The following DNAH2 variants were observed in gnomAD, a reference collection of about 807,000 sequenced individuals.
DNAH2 encodes axonemal beta dynein heavy chain 2.
A neutral mutation model predicts 523.5 loss-of-function variants in DNAH2; 323 were observed. That is an observed-to-expected ratio of 0.62 (90% CI 0.56 to 0.68). The LOEUF (loss-of-function observed/expected upper bound fraction) is 0.68. DNAH2 is among the 30% of genes least tolerant of loss of function. The pLI is 0.00. For missense variants in DNAH2, 4,907 were observed against 5,701.5 expected, an observed-to-expected ratio of 0.86 and a Z score of 4.49; for synonymous variants, 2,093 against 2,177.4, an observed-to-expected ratio of 0.96 and a Z score of 1.08.
chr17:7,802,152 T>C (rs1477115213), intron 58 of DNAH2, 135 bp downstream of exon 58: 13 of 1,255,264 alleles, frequency 1.0e-5, no homozygotes, highest in African/African-American at 1.5e-5. Context: ...GAAGAGGGAG[T>C]TGGGGCTTCC....
chr17:7,826,081 G>A (rs964034859), intron 77 of DNAH2, among the ~76,000 whole-genome samples: 4 of 152,312 alleles, frequency 2.6e-5, no homozygotes, highest in African/African-American at 9.6e-5. Context: ...CTGAGATTGC[G>A]CTGTTACACT....
rs535430856 is a variant in DNAH2 at position 7,776,098 on chromosome 17, C to T, written c.4896C>T (p.Leu1632=). The T allele has an allele frequency of 1.2e-6, 2 of 1,614,108 alleles. No individual in the cohort carries two copies. Among genetic ancestry groups the T allele is most frequent in the African/African-American group, 2.7e-5 (2 of 75,032 alleles). Residue 1632 remains leucine (L), a synonymous_variant, in exon 31 of 86, where the codon CTC becomes CTT. Coordinates refer to ENST00000572933, the MANE Select transcript of DNAH2 (RefSeq NM_020877.5). Reference sequence around the variant, plus strand: ...TTCTCCGGAACTGCCACCTGGCCCTCAGGAAGTTCCTCAACAAGAGGGACA... The same window carrying T: ...TTCTCCGGAACTGCCACCTGGCCCTTAGGAAGTTCCTCAACAAGAGGGACA... ...RDLLRNCHLA[L]RKFLNKRDKW...
In DNAH2 at chr17:7,817,636, G is replaced by A; in HGVS notation, c.10096G>A (p.Asp3366Asn). 1 of 1,614,130 alleles carries A rather than the reference G, an allele frequency of 6.2e-7. No individual in the cohort carries two copies. The highest frequency in any genetic ancestry group is 1.6e-4 in the Middle Eastern group (1 of 6,062). The change falls in exon 66 of 86, where the codon GAC becomes AAC. Residue 3366 changes from aspartate (D) to asparagine (N), a missense_variant. Asp to Asn is a conservative substitution (Grantham distance 23). Around this residue, in one of 3 missense-constraint regions of DNAH2, gnomAD observed 1,851 missense variants for 2,139.4 expected, o/e 0.87. Coordinates refer to ENST00000572933, the MANE Select transcript of DNAH2 (RefSeq NM_020877.5). ...CCTGTGCAATCCTACCAAAGTCCGG[G>A]ACTGGAACATCCAAGGGTTGCCCTC... ...NFLCNPTKVR[D>N]WNIQGLPSDA...
At chr17:7,745,807 A>T (rs892915339) in intron 12 of DNAH2, among the ~76,000 whole-genome samples, 1 of 151,994 alleles carries the variant, frequency 6.6e-6, no homozygotes, top group Non-Finnish European at 1.5e-5. Flanking sequence ...AAAAAAAAAA[A>T]AAAGAAAAGA....
Position 7,760,846 on chromosome 17 carries a change from G to T in DNAH2, c.2892G>T (p.Glu964Asp). Reference sequence around the variant, plus strand: ...TCAAGACCTGGGACATGTACCGGGAGATCTGGGAGATCAACAAGGACTCCT... The same window carrying T: ...TCAAGACCTGGGACATGTACCGGGATATCTGGGAGATCAACAAGGACTCCT... Reference protein sequence around the residue: ...NYLKTWDMYREIWEINKDSFI... With the variant: ...NYLKTWDMYRDIWEINKDSFI... The change falls in exon 18 of 86, where the codon GAG (glutamate) becomes GAT (aspartate). Residue 964 changes from glutamate (E) to aspartate (D), a missense_variant. Transcript: ENST00000572933. The surrounding 1 kb of genome is among the most constrained non-coding windows in gnomAD (Gnocchi z 4.0). The T allele has an allele frequency of 6.2e-7, 1 of 1,614,244 alleles. No individual in the cohort carries two copies. Among genetic ancestry groups the T allele is most frequent in the Admixed American group, 1.7e-5 (1 of 60,024 alleles).
chr17:7,788,199 C>T lies in DNAH2; in HGVS notation c.6855C>T (p.Thr2285=). Residue 2285 remains threonine, a synonymous_variant, in exon 44 of 86, where the codon ACC becomes ACT. Coordinates refer to ENST00000572933, the MANE Select transcript of DNAH2 (RefSeq NM_020877.5). ...LVPLPEYSGI[T]SLCKLYSALA... ...CCCTGCCCGAGTACAGCGGTATCAC[C>T]TCCCTCTGCAAGCTGTACTCTGCCC... 1.2e-6 allele frequency: 2 copies of T among 1,609,410 alleles called. No individual in the cohort carries two copies. The highest frequency in any genetic ancestry group is 1.1e-5 in the South Asian group (1 of 90,196).
intron 59 of DNAH2, 106 bp downstream of exon 59, chr17:7,804,572 G>A (rs544637976): frequency 2.4e-5 from 32 of 1,308,190 alleles, no homozygotes; most frequent in South Asian, 1.9e-4. Context: ...GTGACTGGGT[G>A]CAGTGGCTCA....
rs770458558 is a variant in DNAH2, at chr17:7,818,802, T to C, written c.10670+26T>C. 317 of 1,613,646 alleles carry C rather than the reference T, an allele frequency of 2.0e-4. 3 individuals are homozygous for C. The Admixed American group carries it at 5.2e-3, about 27-fold the overall frequency. On this transcript the variant is annotated intron_variant, in intron 70 of 85. Transcript: ENST00000572933. ...GTGAGGCCCTGCCTTCCCCTCCCAC[T>C]GCCCCACGGGTCTACTCCCAGCCAG...
intron 36 of DNAH2, 135 bp downstream of exon 36, chr17:7,779,558 G>A (rs1238324076): frequency 2.0e-6 from 2 of 1,001,970 alleles, no homozygotes; most frequent in East Asian, 2.6e-5. Flanking sequence ...AGATAGCAAA[G>A]GGGAGAGAAG....
rs1481657866 is a variant in DNAH2, at chr17:7,828,558, C to T, written c.11854-1742C>T. On this transcript the variant is annotated intron_variant, in intron 77 of 85. Transcript: ENST00000572933. This position sits in a 1 kb window ranked among gnomAD's most constrained non-coding sequence, Gnocchi z 4.1. ...TGCGGGTGGCATGAGCCACTGTTCC[C>T]AGCCTCCATTTATTATTTATTTTAA... is the stretch of plus-strand genomic sequence containing the variant. Among the ~76,000 whole-genome samples, 1 of 152,120 alleles carries T rather than the reference C, an allele frequency of 6.6e-6. No individual in the cohort carries two copies. Among genetic ancestry groups the T allele is most frequent in the African/African-American group, 2.4e-5 (1 of 41,380 alleles).
rs2076928363 is a variant in DNAH2 at position 7,792,567 on chromosome 17, T to C, written c.7146-90T>C. On this transcript the variant is annotated intron_variant, in intron 46 of 85. Transcript: ENST00000572933. The stretch of plus-strand genomic sequence containing the variant: ...GCCCCACAGGAGGGCAGGGTGCTGA[T>C]GAGACAGTGGTGACGTAGAGGGAAA... 7 of 1,181,946 alleles carry C rather than the reference T, an allele frequency of 5.9e-6. No individual in the cohort carries two copies. In the Admixed American group the frequency reaches 9.8e-5, roughly 16 times the overall value. The allele number at this position is 1,181,946 out of a possible 1,614,324, so 73.2% of individuals were successfully genotyped here.
intron 2 of DNAH2, among the ~76,000 whole-genome samples, chr17:7,721,870 T>C (rs928607706): frequency 1.3e-5 from 2 of 152,164 alleles, no homozygotes; most frequent in Non-Finnish European, 2.9e-5. Flanking sequence ...AAGGGCTGAT[T>C]CCTATGAGCC....
intron 39 of DNAH2, among the ~76,000 whole-genome samples, chr17:7,782,807 A>T (rs1456183568): frequency 1.3e-5 from 2 of 152,174 alleles, no homozygotes; most frequent in Non-Finnish European, 2.9e-5. Context: ...TCTCTTAAAA[A>T]AAAAAATAGC....
intron 39 of DNAH2, among the ~76,000 whole-genome samples, chr17:7,785,322 C>G (rs754032136): frequency 6.6e-6 from 1 of 152,128 alleles, no homozygotes; most frequent in Non-Finnish European, 1.5e-5. Context: ...AGGCTGGTCT[C>G]GAACTCCTGA....
In DNAH2 at chr17:7,719,839, G is replaced by C. The variant is rs767103906; in HGVS notation, c.105G>C (p.Gln35His). 6.2e-7 allele frequency: 1 copy of C among 1,609,010 alleles called. No homozygotes were observed. The highest frequency in any genetic ancestry group is 2.2e-5 in the East Asian group (1 of 44,778). Reference protein sequence around the residue: ...ATRAAVATQEQGNAPAVSEPE... With the variant: ...ATRAAVATQEHGNAPAVSEPE... ...GGGCTGCTGTGGCCACACAGGAGCA[G>C]GGGAATGCCCCGGCTGTCAGTGAGC... Residue 35 changes from glutamine (Q) to histidine (H), a missense_variant, in exon 2 of 86, where the codon CAG (glutamine) becomes CAC (histidine). Physicochemically the swap from Gln to His is conservative, Grantham distance 24 (BLOSUM62 0). Coordinates refer to ENST00000572933, the MANE Select transcript of DNAH2 (RefSeq NM_020877.5).
intron 48 of DNAH2, among the ~76,000 whole-genome samples, chr17:7,793,781 G>A (rs1206189313): frequency 1.3e-5 from 2 of 151,824 alleles, no homozygotes; most frequent in African/African-American, 4.8e-5. Context: ...TTTAATCAGC[G>A]GCCATCGCGG....
chr17:7,800,726 G>C (rs56217324), intron 56 of DNAH2, among the ~76,000 whole-genome samples: 30 of 150,620 alleles, frequency 2.0e-4, no homozygotes, highest in Non-Finnish European at 3.1e-4. Flanking sequence ...AATTAGATGG[G>C]CATGGTGGCG....
intron 4 of DNAH2, 131 bp from the exon 5 acceptor site, chr17:7,732,956 T>C: frequency 2.4e-6 from 2 of 819,964 alleles, no homozygotes; most frequent in Non-Finnish European, 3.8e-6. Flanking sequence ...AGGAAGCACT[T>C]CATGGCACTT....
Position 7,831,506 on chromosome 17 carries a change from G to T in DNAH2, c.12576G>T (p.Glu4192Asp). 1.2e-6 allele frequency: 2 copies of T among 1,614,204 alleles called. No homozygotes were observed. The highest frequency in any genetic ancestry group is 1.7e-6 in the Non-Finnish European group (2 of 1,180,038). ...CCCTCAATGTGGTCCTTCTGCAGGA[G>T]ATCCAGAGATACAACACACTGATGC... Reference protein sequence around the residue: ...PSPLNVVLLQEIQRYNTLMQT... With the variant: ...PSPLNVVLLQDIQRYNTLMQT... Residue 4192 changes from glutamate to aspartate, a missense_variant, in exon 81 of 86, where the codon GAG becomes GAT. Physicochemically the swap from Glu to Asp is conservative, Grantham distance 45. Coordinates refer to ENST00000572933, the MANE Select transcript of DNAH2 (RefSeq NM_020877.5). This position sits in a 1 kb window ranked among gnomAD's most constrained non-coding sequence, Gnocchi z 4.2.
Sources: gnomAD v4.1 joint callset for allele counts (sites outside exome capture counted in the v4.1 genomes callset) on GRCh38, gnomAD v4.1.1 for gene constraint, gnomAD v4.1.1 regional missense constraint, Gnocchi (gnomAD v3.1) non-coding constraint, MANE v1.5 for transcripts, NCBI Gene and HGNC (gene_info 2026-07-23, HGNC 2026-07-21) for gene names.